Variants in VWA3B observed in about 807,000 individuals in gnomAD.
VWA3B encodes von Willebrand factor A domain containing 3B, also known as von Willebrand factor A domain-containing protein 3B.
In VWA3B, 138 loss-of-function variants were observed where a neutral mutation model predicts 158.3. That is an observed-to-expected ratio of 0.87 (90% confidence interval 0.76 to 1.00). The LOEUF (loss-of-function observed/expected upper bound fraction) is 1.00. Among genes scored for constraint, VWA3B ranks in the 50% least tolerant of loss-of-function variants. The pLI is 0.00. For synonymous variants in VWA3B, 596 were observed against 587.3 expected (o/e 1.01, Z -0.21); for missense variants, 1,555 against 1,565.1 (o/e 0.99, Z 0.11).
At chr2:98,182,398 C>G (rs1574010582) in intron 9 of VWA3B, among the ~76,000 whole-genome samples, 1 of 152,178 alleles carries the variant, frequency 6.6e-6, no homozygotes, top group Non-Finnish European at 1.5e-5. Context: ...TGTTCTTGCC[C>G]CCTCACTGCT....
intron 7 of VWA3B, among the ~76,000 whole-genome samples, chr2:98,152,954 C>T (rs1467507694): frequency 1.3e-5 from 2 of 152,218 alleles, no homozygotes; most frequent in African/African-American, 4.8e-5. Context: ...TTCATGTATA[C>T]AACCCAAAGT....
At chr2:98,115,899 G>T (rs974536772) in intron 3 of VWA3B, among the ~76,000 whole-genome samples, 153 bp downstream of exon 3, 1 of 152,112 alleles carries the variant, frequency 6.6e-6, no homozygotes, top group Non-Finnish European at 1.5e-5. Context: ...CATTGATAGG[G>T]TGATGAAAAT....
intron 8 of VWA3B, 36 bp downstream of exon 8, chr2:98,163,012 C>A (rs751732659): frequency 1.7e-5 from 28 of 1,609,546 alleles, no homozygotes; most frequent in Non-Finnish European, 1.6e-5. Context: ...GTAAAAGATT[C>A]ATAAATGTTA....
At chr2:98,159,633 A>G (rs1264667141) in intron 7 of VWA3B, among the ~76,000 whole-genome samples, 1 of 152,128 alleles carries the variant, frequency 6.6e-6, no homozygotes, top group Non-Finnish European at 1.5e-5. Context: ...TGGAGAATCC[A>G]CTAGGTCTCC....
intron 6 of VWA3B, among the ~76,000 whole-genome samples, chr2:98,133,209 TG>T (rs1298133821): frequency 6.6e-6 from 1 of 152,082 alleles, no homozygotes; most frequent in Non-Finnish European, 1.5e-5. Flanking sequence ...CAGGGCTGGG[TG>T]GGGGCCTGGG....
intron 22 of VWA3B, among the ~76,000 whole-genome samples, chr2:98,280,163 CA>C (rs1264255544): frequency 6.6e-6 from 1 of 152,148 alleles, no homozygotes; most frequent in Non-Finnish European, 1.5e-5. Flanking sequence ...AAATATGTAA[CA>C]CACTTCAAAT....
chr2:98,315,313 C>T (rs531168493), downstream of VWA3B, among the ~76,000 whole-genome samples: 6 of 152,292 alleles, frequency 3.9e-5, no homozygotes, highest in African/African-American at 1.2e-4. Flanking sequence ...CTCACAGACA[C>T]ACACAATAAT....
At chr2:98,182,529 G>A (rs577106474) in intron 9 of VWA3B, among the ~76,000 whole-genome samples, 1 of 152,350 alleles carries the variant, frequency 6.6e-6, no homozygotes, top group South Asian at 2.1e-4. Context: ...ACAGCGCAGG[G>A]AAAATCTCAT....
chr2:98,263,860 T>C (rs1687631824), intron 21 of VWA3B, among the ~76,000 whole-genome samples: 1 of 152,062 alleles, frequency 6.6e-6, no homozygotes, highest in African/African-American at 2.4e-5. Context: ...TTAAGCCATG[T>C]GGTACTGGGC....
chr2:98,122,959 A>G (rs1675080789), intron 5 of VWA3B, among the ~76,000 whole-genome samples: 1 of 152,206 alleles, frequency 6.6e-6, no homozygotes, highest in African/African-American at 2.4e-5. Context: ...CCCTGCACAG[A>G]CCGCTGTGCC....
chr2:98,236,281 A>G, intron 17 of VWA3B, 109 bp from the exon 18 acceptor site: 1 of 1,202,470 alleles, frequency 8.3e-7, no homozygotes. Flanking sequence ...AATGTGGTCC[A>G]TTTATTAGCT....
rs780969196 is a variant in VWA3B at position 98,162,956 on chromosome 2, A to T, written c.1094A>T (p.Asp365Val). The T allele has an allele frequency of 1.1e-5, 17 of 1,614,010 alleles. No individual in the cohort carries two copies. Among genetic ancestry groups the T allele is most frequent in the Non-Finnish European group, 1.4e-5 (17 of 1,180,040 alleles). The part of the protein sequence containing the change: ...QRLVAEPPKP[D>V]VATVDCESET... ...CTGGTGGCCGAGCCTCCCAAGCCCG[A>T]CGTGGCCACTGTGGACTGCGGTTGG... The change falls in exon 8 of 28, where the codon GAC (aspartate) becomes GTC (valine). Residue 365 changes from aspartate to valine, a missense_variant. Transcript: ENST00000477737.
intron 2 of VWA3B, among the ~76,000 whole-genome samples, chr2:98,102,557 A>G (rs983844656): frequency 2.0e-5 from 3 of 152,286 alleles, no homozygotes; most frequent in African/African-American, 7.2e-5. Context: ...CACTTCCCAG[A>G]TGGGGCGGCC....
At chr2:98,115,460 A>G (rs1305113110) in intron 2 of VWA3B, among the ~76,000 whole-genome samples, 192 bp from the exon 3 acceptor site, 3 of 152,252 alleles carry the variant, frequency 2.0e-5, no homozygotes, top group Admixed American at 6.5e-5. Flanking sequence ...AAATATTACA[A>G]TGCCATAGAC....
chr2:98,211,960 C>T lies in VWA3B; in HGVS notation c.1768C>T (p.Leu590=). Residue 590 remains leucine, a synonymous_variant, in exon 13 of 28, where the codon CTG becomes TTG. Transcript: ENST00000477737. ...IGSSTNTLSA[L]KTAFADKETQ... ...AAGCTCCACAAACACCCTGAGTGCC[C>T]TGAAAACTGCTTTTGCTGATAAAGA... 2.5e-6 allele frequency: 4 copies of T among 1,614,130 alleles called. 1 individual carries two copies. The South Asian group carries it at 4.4e-5, about 18-fold the overall frequency.
chr2:98,204,972 A>G (rs952544590), intron 12 of VWA3B, among the ~76,000 whole-genome samples: 6 of 152,150 alleles, frequency 3.9e-5, no homozygotes, highest in African/African-American at 1.2e-4. Context: ...CTAGCCGGGC[A>G]TGGTGACAGA....
intron 21 of VWA3B, among the ~76,000 whole-genome samples, chr2:98,259,675 T>C (rs1172623788): frequency 6.6e-6 from 1 of 151,786 alleles, no homozygotes; most frequent in Non-Finnish European, 1.5e-5. Context: ...GTTGATATTC[T>C]CAAGGAACAA....
chr2:98,241,146 G>A (rs984437559), intron 19 of VWA3B, among the ~76,000 whole-genome samples: 18 of 152,088 alleles, frequency 1.2e-4, no homozygotes, highest in Non-Finnish European at 2.2e-4. Context: ...TAGTGGCATC[G>A]GAGTTCAGAC....
intron 2 of VWA3B, among the ~76,000 whole-genome samples, chr2:98,094,961 C>T (rs550457936): frequency 6.6e-6 from 1 of 152,240 alleles, no homozygotes; most frequent in African/African-American, 2.4e-5. Context: ...TTTTGGCTCT[C>T]TATTCTATTC....
Sources: gnomAD v4.1 joint callset for allele counts (sites outside exome capture counted in the v4.1 genomes callset) on GRCh38, gnomAD v4.1.1 for gene constraint, MANE v1.5 for transcripts, NCBI Gene and HGNC (gene_info 2026-07-23, HGNC 2026-07-21) for gene names.